ZMYM2: variants seen among roughly 807,000 people sequenced by gnomAD.
The protein encoded by ZMYM2 is zinc finger MYM-type containing 2.
In ZMYM2, 56 loss-of-function variants were observed where a neutral mutation model predicts 162.8. The ratio of observed to expected loss-of-function variants is 0.34; its 90% CI spans 0.28 to 0.43. The LOEUF (loss-of-function observed/expected upper bound fraction) is 0.43, where lower values mean the gene tolerates loss of function less well. Among genes scored for constraint, ZMYM2 ranks in the 20% least tolerant of loss-of-function variants. ZMYM2 has a pLI of 1.00. For synonymous variants in ZMYM2, 510 were observed against 541.6 expected (o/e 0.94, Z 0.81); for missense variants, 1,275 against 1,621.8 (o/e 0.79, Z 3.67).
At chr13:19,994,951 GC>G (rs1241505821) in intron 3 of ZMYM2, among the ~76,000 whole-genome samples, 1 of 150,520 alleles carries the variant, frequency 6.6e-6, no homozygotes, top group African/African-American at 2.4e-5. Context: ...TTCCATCGCA[GC>G]CTCCAGAGTA....
the ZMYM2 span, among the ~76,000 whole-genome samples, chr13:19,915,195 A>T: frequency 6.6e-6 from 1 of 152,206 alleles, no homozygotes; most frequent in African/African-American, 2.4e-5. Flanking sequence ...TCCCGACCTC[A>T]GGTGGTCCAC....
chr13:19,966,380 T>G (rs993799245), intron 2 of ZMYM2, among the ~76,000 whole-genome samples: 2 of 151,708 alleles, frequency 1.3e-5, no homozygotes, highest in African/African-American at 4.8e-5. Context: ...GTTATCTACC[T>G]GCCTAAGCCT....
intron 3 of ZMYM2, among the ~76,000 whole-genome samples, chr13:19,996,856 T>C (rs191332598): frequency 6.6e-6 from 1 of 152,324 alleles, no homozygotes; most frequent in East Asian, 1.9e-4. Flanking sequence ...CACTACACTC[T>C]AGCCCAGGCA....
the ZMYM2 span, among the ~76,000 whole-genome samples, chr13:19,920,850 C>T: frequency 6.6e-6 from 1 of 151,950 alleles, no homozygotes; most frequent in African/African-American, 2.4e-5. Context: ...GCAGCCTCTA[C>T]CTCCTGGATT....
intron 14 of ZMYM2, among the ~76,000 whole-genome samples, chr13:20,055,017 C>A (rs61952384): frequency 1.2e-4 from 18 of 148,250 alleles, no homozygotes; most frequent in Admixed American, 1.1e-3. Flanking sequence ...TTTTTTCCCC[C>A]AACCAAACTT....
the ZMYM2 span, among the ~76,000 whole-genome samples, chr13:19,887,270 T>C: frequency 6.6e-6 from 1 of 151,882 alleles, no homozygotes; most frequent in Non-Finnish European, 1.5e-5. Flanking sequence ...GGCTCACGTA[T>C]GTAATCCCAG....
At chr13:19,992,226 G>T (rs1244708199) in intron 2 of ZMYM2, among the ~76,000 whole-genome samples, 1 of 152,104 alleles carries the variant, frequency 6.6e-6, no homozygotes, top group East Asian at 1.9e-4. Flanking sequence ...TACAATTAAT[G>T]GGAGCCAGAG....
chr13:20,063,267 G>GT (rs1372692498), intron 18 of ZMYM2, among the ~76,000 whole-genome samples: 1 of 151,860 alleles, frequency 6.6e-6, no homozygotes, highest in African/African-American at 2.4e-5. Context: ...GCCAGGCGTG[G>GT]TGGTGCATGC....
At chr13:19,926,368 T>A in the ZMYM2 span, among the ~76,000 whole-genome samples, 152 of 148,786 alleles carry the variant, frequency 1.0e-3, 1 homozygote, top group South Asian at 4.3e-4. Context: ...TTATTTTTTT[T>A]TTTTTTTTTT....
the ZMYM2 span, among the ~76,000 whole-genome samples, chr13:19,946,493 TA>T: frequency 6.6e-6 from 1 of 152,260 alleles, no homozygotes; most frequent in African/African-American, 2.4e-5. Flanking sequence ...AAGTGTTCTA[TA>T]ATCATTAGCG....
chr13:20,037,406 GGGTTTCACCGTGTTGGCCAGGTT>G (rs1953820716), intron 12 of ZMYM2, among the ~76,000 whole-genome samples: 2 of 151,836 alleles, frequency 1.3e-5, no homozygotes, highest in South Asian at 4.2e-4. Context: ...AGTAGAGACA[GGGTTTCACCGTGTTGGCCAGGTT>G]GGTCTCGAAC....
chr13:19,898,696 T>C, the ZMYM2 span, among the ~76,000 whole-genome samples: 2 of 151,976 alleles, frequency 1.3e-5, no homozygotes, highest in Non-Finnish European at 2.9e-5. Context: ...GAGGCCAGCA[T>C]GGGAGGATTA....
chr13:20,049,155 T>A (rs1342419545), intron 12 of ZMYM2, among the ~76,000 whole-genome samples: 2 of 143,428 alleles, frequency 1.4e-5, no homozygotes, highest in Non-Finnish European at 3.0e-5. Flanking sequence ...AAGTTGGAAT[T>A]ATTAGTATTG....
In ZMYM2 at chr13:20,027,272, G is replaced by A; in HGVS notation, c.1805G>A (p.Gly602Glu). ...LPQYQATMPD[G>E]KLYNFCNSSC... ...CAATACCAAGCCACAATGCCTGATG[G>A]AAAACTGTACAACTTTTGCAATTCC... The change falls in exon 9 of 25, where the codon GGA becomes GAA. Residue 602 changes from glycine (G) to glutamate (E), a missense_variant. Gly to Glu is a moderately conservative substitution (Grantham distance 98). Transcript: ENST00000610343. The A allele has an allele frequency of 1.3e-6, 2 of 1,583,382 alleles. No individual in the cohort carries two copies. The highest frequency in any genetic ancestry group is 1.2e-5 in the South Asian group (1 of 86,878).
At chr13:19,942,240 A>C in the ZMYM2 span, among the ~76,000 whole-genome samples, 1 of 152,022 alleles carries the variant, frequency 6.6e-6, no homozygotes, top group African/African-American at 2.4e-5. Flanking sequence ...TTTATTACAT[A>C]ATTTTACTGC....
intron 14 of ZMYM2, 31 bp downstream of exon 14, chr13:20,052,342 G>A (rs1955436068): frequency 3.9e-6 from 6 of 1,551,750 alleles, no homozygotes; most frequent in Non-Finnish European, 5.2e-6. Context: ...GTGCTGAATT[G>A]TGATTTTTGT....
chr13:19,906,761 A>G, the ZMYM2 span, among the ~76,000 whole-genome samples: 1 of 152,072 alleles, frequency 6.6e-6, no homozygotes, highest in African/African-American at 2.4e-5. Context: ...GGGTCTCACT[A>G]TGTTGCCAAG....
the ZMYM2 span, among the ~76,000 whole-genome samples, chr13:19,906,311 T>C: frequency 7.3e-5 from 9 of 122,772 alleles, no homozygotes; most frequent in African/African-American, 3.1e-4. Flanking sequence ...TATATATATA[T>C]ATATATATAT....
At chr13:19,875,749 CTCCCT>C in the ZMYM2 span, among the ~76,000 whole-genome samples, 1 of 151,582 alleles carries the variant, frequency 6.6e-6, no homozygotes, top group Non-Finnish European at 1.5e-5. Context: ...ACTGCGTGTT[CTCCCT>C]TATGAGAGCT....
Sources: allele counts gnomAD v4.1 joint callset (sites outside exome capture counted in the v4.1 genomes callset), GRCh38; gene constraint gnomAD v4.1.1; transcripts MANE v1.5; gene names NCBI Gene and HGNC (gene_info 2026-07-23, HGNC 2026-07-21).